CDH11: variants seen among roughly 807,000 people sequenced by gnomAD.
The protein encoded by CDH11 is cadherin-11.
A neutral mutation model predicts 67.8 loss-of-function variants in CDH11; 11 were observed. That is an observed-to-expected ratio of 0.16 (90% CI 0.10 to 0.27). The LOEUF is 0.27. Ranked by LOEUF, CDH11 falls within the 10% of genes least tolerant of loss-of-function variation. CDH11 has a pLI of 1.00. For missense variants in CDH11, 847 were observed against 1,031.2 expected, an observed-to-expected ratio of 0.82 and a Z score of 2.45; for synonymous variants, 419 against 400.0, an observed-to-expected ratio of 1.05 and a Z score of -0.57.
Position 64,946,250 on chromosome 16 carries a change from A to G in CDH11, c.*1353T>C. On this transcript the variant is annotated 3_prime_UTR_variant, in exon 13 of 13. Transcript: ENST00000268603. ...GAAAAATAAGCAGTTTCAACTATCAAGAGTCTTACAATAGCCTGGTAAGTT... is the reference window on the plus strand; with the variant it reads ...GAAAAATAAGCAGTTTCAACTATCAGGAGTCTTACAATAGCCTGGTAAGTT... The G allele has an allele frequency of 9.5e-7, 1 of 1,048,660 alleles. No individual in the cohort carries two copies. The highest frequency in any genetic ancestry group is 1.2e-6 in the Non-Finnish European group (1 of 868,772). The allele number at this position is 1,048,660 out of a possible 1,614,324, so 65.0% of individuals were successfully genotyped here. A position where few individuals can be genotyped will look rare whatever the true frequency, so the allele number is the denominator to read the frequency against.
At position 64,993,024 on chromosome 16, in the gene CDH11, T is replaced by C. The variant is rs1430135247; in HGVS notation, c.534A>G (p.Val178=). 3 of 1,610,988 alleles carry C rather than the reference T, an allele frequency of 1.9e-6. No individual in the cohort carries two copies. The highest frequency in any genetic ancestry group is 2.7e-5 in the African/African-American group (2 of 74,860). Residue 178 remains valine, a synonymous_variant, in exon 5 of 13, where the codon GTA becomes GTG. Transcript: ENST00000268603. ...VPERSNVGTS[V]IQVTASDADD... is the part of the protein sequence containing the mutation. ...CTGCATCTGAAGCTGTCACCTGGATTACTGACGTTCCTTAAAAGTGAAATA... is the reference window on the plus strand; with the variant it reads ...CTGCATCTGAAGCTGTCACCTGGATCACTGACGTTCCTTAAAAGTGAAATA...
At chr16:65,063,610 T>C (rs933558661) in intron 1 of CDH11, among the ~76,000 whole-genome samples, 1 of 152,328 alleles carries the variant, frequency 6.6e-6, no homozygotes, top group Non-Finnish European at 1.5e-5. Flanking sequence ...CTAAACAGGC[T>C]TTTAAAATGA....
Position 65,121,973 on chromosome 16 carries a change from C to T in CDH11, c.-391G>A, listed in dbSNP as rs1425828816. 2 of 701,546 alleles carry T rather than the reference C, an allele frequency of 2.9e-6. No individual in the cohort carries two copies. The highest frequency in any genetic ancestry group is 5.2e-6 in the Non-Finnish European group (2 of 384,406). 43.5% of individuals were successfully genotyped at this position (701,546 alleles called of 1,614,324 possible). On this transcript the variant is annotated 5_prime_UTR_variant, in exon 1 of 13. The change abolishes an upstream ATG in the 5' untranslated region. Transcript: ENST00000268603. The surrounding 1 kb of genome is among the most constrained non-coding windows in gnomAD (Gnocchi z 4.1). The stretch of plus-strand genomic sequence containing the variant: ...TCAGTCCCGGCCCCAGTCCCGGTCC[C>T]ATTCACAAGTCAGCGGCGGCTGCGA...
chr16:65,113,775 T>C (rs1221063520), intron 1 of CDH11, among the ~76,000 whole-genome samples: 2 of 152,104 alleles, frequency 1.3e-5, no homozygotes, highest in Non-Finnish European at 2.9e-5. Flanking sequence ...CCCAGCTTTA[T>C]CAATTACCAG....
chr16:65,082,493 C>A (rs1460767418), intron 1 of CDH11, among the ~76,000 whole-genome samples: 1 of 152,186 alleles, frequency 6.6e-6, no homozygotes, highest in Non-Finnish European at 1.5e-5. Flanking sequence ...GAAGTCCACA[C>A]TGAAGTCAGG....
chr16:64,992,997 A>T lies in CDH11; in HGVS notation c.561T>A (p.Asp187Glu), dbSNP rs2072669960. The change falls in exon 5 of 13, where the codon GAT becomes GAA. Residue 187 changes from aspartate (D) to glutamate (E), a missense_variant. This residue lies in a region of CDH11 where 235 missense variants were observed against 352.5 expected (regional missense o/e 0.67). Transcript: ENST00000268603. ...TGGCGCTATTTCCATAAGTGGGGTCATCTGCATCTGAAGCTGTCACCTGGA... is the reference window on the plus strand; with the variant it reads ...TGGCGCTATTTCCATAAGTGGGGTCTTCTGCATCTGAAGCTGTCACCTGGA... Reference protein sequence around the residue: ...SVIQVTASDADDPTYGNSAKL... With the variant: ...SVIQVTASDAEDPTYGNSAKL... The T allele has an allele frequency of 6.2e-7, 1 of 1,611,332 alleles. No individual in the cohort carries two copies. Among genetic ancestry groups the T allele is most frequent in the African/African-American group, 1.3e-5 (1 of 74,856 alleles).
At chr16:65,012,350 C>T (rs766026739) in intron 2 of CDH11, among the ~76,000 whole-genome samples, 4 of 152,164 alleles carry the variant, frequency 2.6e-5, no homozygotes, top group Non-Finnish European at 5.9e-5. Context: ...TTGATTGTTT[C>T]AGCCTAGTTC....
intron 1 of CDH11, among the ~76,000 whole-genome samples, chr16:65,062,675 T>TTG (rs1453124469): frequency 6.6e-6 from 1 of 152,224 alleles, no homozygotes; most frequent in Non-Finnish European, 1.5e-5. Flanking sequence ...CAAACTCTGC[T>TTG]TGTCTATAAA....
At chr16:64,963,117 C>G (rs1396033616) in intron 11 of CDH11, among the ~76,000 whole-genome samples, 1 of 152,114 alleles carries the variant, frequency 6.6e-6, no homozygotes, top group African/African-American at 2.4e-5. Context: ...ATATCAAAAC[C>G]AGGCACGCAT....
chr16:65,084,123 T>C (rs1253863973), intron 1 of CDH11, among the ~76,000 whole-genome samples: 1 of 152,208 alleles, frequency 6.6e-6, no homozygotes, highest in African/African-American at 2.4e-5. Context: ...AGAAACCTTG[T>C]ATTATGAAAT....
intron 8 of CDH11, among the ~76,000 whole-genome samples, chr16:64,978,542 G>C (rs1385972347): frequency 2.6e-5 from 4 of 152,166 alleles, no homozygotes; most frequent in Non-Finnish European, 5.9e-5. Context: ...ATAGTACAAA[G>C]TTATGGTTAT....
chr16:64,997,734 C>G (rs1422963549), intron 4 of CDH11, among the ~76,000 whole-genome samples: 1 of 152,134 alleles, frequency 6.6e-6, no homozygotes, highest in East Asian at 1.9e-4. Flanking sequence ...TCTGTATGCA[C>G]AGTGGAAGGA....
Position 64,950,788 on chromosome 16 carries a change from C to T in CDH11, c.1873G>A (p.Ala625Thr), listed in dbSNP as rs769387085. The change falls in exon 12 of 13, where the codon GCC becomes ACC. Residue 625 changes from alanine to threonine, a missense_variant. Ala to Thr is a moderately conservative substitution (Grantham distance 58, BLOSUM62 0). Transcript: ENST00000268603. ...TTACCCAGGAGAATGACGATGCAGGCGAGGATGGCGATCAGGGCGCCTGTG... is the reference window on the plus strand; with the variant it reads ...TTACCCAGGAGAATGACGATGCAGGTGAGGATGGCGATCAGGGCGCCTGTG... ...LSTGALIAIL[A>T]CIVILLVIVV... The T allele has an allele frequency of 8.1e-6, 13 of 1,613,872 alleles. No individual in the cohort carries two copies. The highest frequency in any genetic ancestry group is 3.3e-5 in the Admixed American group (2 of 60,002).
At chr16:64,949,272 A>C (rs558011559) in intron 12 of CDH11, among the ~76,000 whole-genome samples, 21 of 152,084 alleles carry the variant, frequency 1.4e-4, no homozygotes, top group Non-Finnish European at 2.6e-4. Flanking sequence ...TTAACTTTTT[A>C]GGGCTTTTGT....
intron 8 of CDH11, among the ~76,000 whole-genome samples, chr16:64,975,321 T>C (rs1353170624): frequency 3.3e-5 from 5 of 152,104 alleles, no homozygotes; most frequent in Non-Finnish European, 7.4e-5. Context: ...TGAGAAATCA[T>C]GGAAGGCTTT....
At position 65,063,291 on chromosome 16, in the gene CDH11, G is replaced by A. The variant is rs149208422; in HGVS notation, c.-297-9363C>T. Among the ~76,000 whole-genome samples, 379 of 151,858 alleles carry A rather than the reference G, an allele frequency of 2.5e-3. 2 individuals are homozygous for A. Among genetic ancestry groups the A allele is most frequent in the African/African-American group, 8.5e-3 (350 of 41,416 alleles). On this transcript the variant is annotated intron_variant, in intron 1 of 12. Transcript: ENST00000268603. ...TCTTTTCATTTTTTAAATACTCTTT[G>A]GATGGTTACTTTTACTAACTCCATT...
intron 1 of CDH11, among the ~76,000 whole-genome samples, chr16:65,114,683 C>T (rs187144980): frequency 2.0e-5 from 3 of 152,134 alleles, no homozygotes; most frequent in Admixed American, 6.6e-5. Context: ...GGAGCAAGAA[C>T]AGATGACACC....
chr16:64,958,816 GA>G (rs1298419777), intron 11 of CDH11, among the ~76,000 whole-genome samples: 1 of 151,950 alleles, frequency 6.6e-6, no homozygotes, highest in Non-Finnish European at 1.5e-5. Flanking sequence ...CTAGATAAAA[GA>G]ACAGTTCTTA....
At position 64,946,972 on chromosome 16, in the gene CDH11, G is replaced by C. The variant is rs2071210716; in HGVS notation, c.*631C>G. The C allele has an allele frequency of 4.2e-6, 4 of 948,996 alleles. No homozygotes were observed. The East Asian group carries it at 2.7e-4, about 63-fold the overall frequency. 58.8% of individuals were successfully genotyped at this position (948,996 alleles called of 1,614,324 possible). On this transcript the variant is annotated 3_prime_UTR_variant, in exon 13 of 13. Coordinates refer to ENST00000268603, the MANE Select transcript of CDH11 (RefSeq NM_001797.4). ...AAATAGATACATTAAAAATGACATA[G>C]AAATAGGGCGTCTCTCACTGAAACA...
Sources: allele counts gnomAD v4.1 joint callset (sites outside exome capture counted in the v4.1 genomes callset), GRCh38; gene constraint gnomAD v4.1.1; regional missense constraint gnomAD v4.1.1; non-coding constraint Gnocchi (gnomAD v3.1); transcripts MANE v1.5; gene names NCBI Gene and HGNC (gene_info 2026-07-23, HGNC 2026-07-21).